Variants in ADH7 observed in about 807,000 individuals in gnomAD.
ADH7 encodes the protein alcohol dehydrogenase 7 (class IV), mu or sigma polypeptide, also known as all-trans-retinol dehydrogenase [NAD(+)] ADH7.
In ADH7, 41 loss-of-function variants were observed where a neutral mutation model predicts 34.4. The ratio of observed to expected loss-of-function variants is 1.19; its 90% CI spans 0.93 to 1.55. ADH7 has a LOEUF of 1.55. Ranked by LOEUF, ADH7 falls within the 40% of genes most tolerant of loss-of-function variation. The pLI is 0.00. For synonymous variants in ADH7, 180 were observed against 160.9 expected, an observed-to-expected ratio of 1.12 and a Z score of -0.90; for missense variants, 540 against 461.2, an observed-to-expected ratio of 1.17 and a Z score of -1.56.
chr4:99,435,119 C>T (rs1250105286), intron 1 of ADH7, 97 bp downstream of exon 1: 4 of 1,555,520 alleles, frequency 2.6e-6, no homozygotes, highest in Non-Finnish European at 3.5e-6. Flanking sequence ...CAAGGAATAT[C>T]TCCAAGTGTT....
At chr4:99,433,089 A>G (rs1269542586) in intron 1 of ADH7, among the ~76,000 whole-genome samples, 1 of 152,200 alleles carries the variant, frequency 6.6e-6, no homozygotes. Flanking sequence ...TTTGCATGGT[A>G]CATCAAGATA....
At chr4:99,428,392 G>T in intron 3 of ADH7, 100 bp downstream of exon 3, 1 of 1,410,648 alleles carries the variant, frequency 7.1e-7, no homozygotes, top group Non-Finnish European at 9.7e-7. Context: ...CCTGAATTGT[G>T]TTAAGGATCC....
chr4:99,420,428 G>T, intron 6 of ADH7, 105 bp downstream of exon 6: 1 of 1,286,382 alleles, frequency 7.8e-7, no homozygotes, highest in Non-Finnish European at 1.1e-6. Context: ...CTATCGCAGA[G>T]ATATTTCCAT....
intron 8 of ADH7, 96 bp downstream of exon 8, chr4:99,415,382 A>G (rs747703203): frequency 3.9e-6 from 5 of 1,277,980 alleles, no homozygotes; most frequent in Non-Finnish European, 5.6e-6. Flanking sequence ...TTAAATAATT[A>G]GAAATAAAAT....
At chr4:99,421,459 T>G (rs1721661516) in intron 5 of ADH7, among the ~76,000 whole-genome samples, 1 of 152,134 alleles carries the variant, frequency 6.6e-6, no homozygotes, top group Non-Finnish European at 1.5e-5. Flanking sequence ...TGCAGAAAAC[T>G]CAGACTGGAC....
Position 99,423,912 on chromosome 4 carries a change from G to C in ADH7, c.565-3119C>G, listed in dbSNP as rs538310664. 5.9e-3 allele frequency among the ~76,000 whole-genome samples: 902 copies of C among 151,948 alleles called. 7 individuals carry two copies. The highest frequency in any genetic ancestry group is 0.02 in the African/African-American group (815 of 41,450). ...ATCCCATTTGTCAATTTTGGCTTTT[G>C]TTGCCATTGCTTTTGGTGTTTTAGA... is the stretch of plus-strand genomic sequence containing the variant. On this transcript the variant is annotated intron_variant, in intron 5 of 8. Transcript: ENST00000437033.
rs535361918 is a variant in ADH7 at position 99,434,859 on chromosome 4, G to A, written c.18+357C>T. ...TTCCCATTGAACTACTGCAGCGAGTGCAGCACATGCTACTGAGACGATTGA... is the reference window on the plus strand; with the variant it reads ...TTCCCATTGAACTACTGCAGCGAGTACAGCACATGCTACTGAGACGATTGA... On this transcript the variant is annotated intron_variant, in intron 1 of 8. Coordinates refer to ENST00000437033, the MANE Select transcript of ADH7 (RefSeq NM_000673.7). Among the ~76,000 whole-genome samples the A allele has an allele frequency of 1.8e-3, 280 of 152,266 alleles. 3 individuals are homozygous for A. The highest frequency in any genetic ancestry group is 6.3e-3 in the African/African-American group (263 of 41,554).
intron 5 of ADH7, among the ~76,000 whole-genome samples, chr4:99,423,887 A>C (rs1400665306): frequency 6.6e-6 from 1 of 151,842 alleles, no homozygotes; most frequent in Non-Finnish European, 1.5e-5. Flanking sequence ...GTTTAATTAG[A>C]TCCCATTTGT....
At chr4:99,420,385 T>C (rs1421769113) in intron 6 of ADH7, 148 bp downstream of exon 6, 9 of 937,880 alleles carry the variant, frequency 9.6e-6, no homozygotes, top group Non-Finnish European at 1.1e-5. Flanking sequence ...AAAATTGCTA[T>C]GTGATTATCA....
chr4:99,426,157 A>C (rs1316878586), intron 5 of ADH7, among the ~76,000 whole-genome samples: 1 of 152,196 alleles, frequency 6.6e-6, no homozygotes, highest in Non-Finnish European at 1.5e-5. Context: ...GAGCTAGAAA[A>C]ACAAGAGCAA....
At chr4:99,425,213 T>G (rs2110137703) in intron 5 of ADH7, among the ~76,000 whole-genome samples, 1 of 151,784 alleles carries the variant, frequency 6.6e-6, no homozygotes, top group East Asian at 1.9e-4. Flanking sequence ...ATAACAATAT[T>G]AACTTTAAAT....
intron 7 of ADH7, among the ~76,000 whole-genome samples, chr4:99,417,516 AC>A (rs1390410280): frequency 6.6e-6 from 1 of 151,574 alleles, no homozygotes; most frequent in Non-Finnish European, 1.5e-5. Context: ...CTCCACCTCC[AC>A]CCCAGTCCTC....
Position 99,428,119 on chromosome 4 carries a change from G to C in ADH7, c.315C>G (p.Arg105=). 1 of 1,614,010 alleles carries C rather than the reference G, an allele frequency of 6.2e-7. No homozygotes were observed. Among genetic ancestry groups the C allele is most frequent in the African/African-American group, 1.3e-5 (1 of 75,052 alleles). Residue 105 remains arginine (R), a synonymous_variant, in exon 4 of 9, where the codon CGC becomes CGG. Transcript: ENST00000437033. ...TAATGCAAAGGTTGCCATCTGGGTTGCGACAAGCATTGCATTCTCTACATT... is the reference window on the plus strand; with the variant it reads ...TAATGCAAAGGTTGCCATCTGGGTTCCGACAAGCATTGCATTCTCTACATT... The part of the protein sequence containing the change: ...LPQCRECNAC[R]NPDGNLCIRS...
At chr4:99,415,821 A>G (rs570046821) in intron 7 of ADH7, 13 of 395,872 alleles carry the variant, frequency 3.3e-5, no homozygotes, top group African/African-American at 2.1e-4. Flanking sequence ...TGTCCTTTGC[A>G]GGGACATGGA....
Position 99,428,512 on chromosome 4 carries a change from CCTT to C in ADH7, c.236_238del (p.Glu79del), listed in dbSNP as rs543158429. On this transcript the variant is annotated inframe_deletion, in exon 3 of 9. Coordinates refer to ENST00000437033, the MANE Select transcript of ADH7 (RefSeq NM_000673.7). ...TATACCTGGTTTCACTGTAGTCACT[CCTT>C]CTCCAATGCTCTCTACAATCCCAGT... The C allele has an allele frequency of 2.1e-4, 339 of 1,613,420 alleles. 3 individuals carry two copies. In the South Asian group the frequency reaches 3.4e-3, roughly 16 times the overall value.
Position 99,420,740 on chromosome 4 carries a change from T to A in ADH7, c.618A>T (p.Ser206=), listed in dbSNP as rs1721634237. The A allele has an allele frequency of 1.9e-6, 3 of 1,613,794 alleles. No individual in the cohort carries two copies. Among genetic ancestry groups the A allele is most frequent in the Non-Finnish European group, 2.5e-6 (3 of 1,179,918 alleles). ...VVFGLGGVGL[S]VIMGCKSAGA... is the part of the protein sequence containing the mutation. ...CAGCTGACTTACAGCCCATGATGAC[T>A]GACAGGCCAACTCCTCCCAGGCCAA... The change falls in exon 6 of 9, where the codon TCA becomes TCT. Residue 206 remains serine (S), a synonymous_variant. Transcript: ENST00000437033.
intron 7 of ADH7, 105 bp downstream of exon 7, chr4:99,418,881 C>T (rs1560560585): frequency 1.5e-6 from 2 of 1,359,566 alleles, no homozygotes; most frequent in Non-Finnish European, 1.0e-6. Flanking sequence ...TAGATCACTT[C>T]ATACTCATTC....
intron 7 of ADH7, 30 bp downstream of exon 7, chr4:99,418,956 C>T: frequency 1.2e-6 from 2 of 1,611,030 alleles, no homozygotes; most frequent in South Asian, 1.1e-5. Context: ...AAAGCCATCA[C>T]TCCCCATCCA....
At chr4:99,421,290 T>A (rs1489305783) in intron 5 of ADH7, among the ~76,000 whole-genome samples, 1 of 152,128 alleles carries the variant, frequency 6.6e-6, no homozygotes, top group African/African-American at 2.4e-5. Context: ...ATGGTACTGG[T>A]ACCAAAACAG....
Sources: gnomAD v4.1 joint callset for allele counts (sites outside exome capture counted in the v4.1 genomes callset) on GRCh38, gnomAD v4.1.1 for gene constraint, MANE v1.5 for transcripts, NCBI Gene and HGNC (gene_info 2026-07-23, HGNC 2026-07-21) for gene names.